Variants in ACBD5 observed in about 807,000 individuals in gnomAD.
The protein encoded by ACBD5 is acyl-CoA binding domain containing 5.
ACBD5 carries 40 observed loss-of-function variants against 71.8 expected under a neutral mutation model. The ratio of observed to expected loss-of-function variants is 0.56; its 90% CI spans 0.43 to 0.72. The LOEUF (loss-of-function observed/expected upper bound fraction) is 0.72. ACBD5 is among the 30% of genes least tolerant of loss of function. The probability of loss-of-function intolerance (pLI) is 0.00; values close to 1 mark genes in which losing one functional copy is unlikely to be tolerated. For missense variants in ACBD5, 559 were observed against 644.5 expected, an observed-to-expected ratio of 0.87 and a Z score of 1.44; for synonymous variants, 229 against 218.6, an observed-to-expected ratio of 1.05 and a Z score of -0.42.
At chr10:27,192,754 G>T (rs1262128), downstream of ACBD5, among the ~76,000 whole-genome samples, 27,774 of 152,050 alleles carry the variant, frequency 0.18, 3,080 homozygotes, top group East Asian at 0.29. Context: ...GGTGGATCAC[G>T]AGGTCAGGAG....
intron 13 of ACBD5, among the ~76,000 whole-genome samples, chr10:27,184,578 T>TTTTTTTTA: frequency 6.8e-6 from 1 of 146,302 alleles, no homozygotes; most frequent in African/African-American, 2.6e-5. Flanking sequence ...TTTTTTTTTT[T>TTTTTTTTA]GAGACGGAAT....
chr10:27,182,930 GAGCCA>G (rs939890682), intron 13 of ACBD5, among the ~76,000 whole-genome samples: 3 of 152,020 alleles, frequency 2.0e-5, no homozygotes, highest in Admixed American at 6.6e-5. Flanking sequence ...TTACAGGTGT[GAGCCA>G]CCTTGCCTGT....
intron 12 of ACBD5, among the ~76,000 whole-genome samples, chr10:27,202,969 CTTTTT>C (rs775633178): frequency 3.7e-4 from 26 of 70,780 alleles, no homozygotes; most frequent in East Asian, 1.0e-3. Flanking sequence ...TCTATATCCT[CTTTTT>C]TTTTTTTTTT....
Position 27,240,425 on chromosome 10 carries a change from A to C in ACBD5, c.75T>G (p.Pro25=). Residue 25 remains proline (P), a synonymous_variant, in exon 2 of 13, where the codon CCT becomes CCG. Transcript: ENST00000396271. The surrounding 1 kb of genome is among the most constrained non-coding windows in gnomAD (Gnocchi z 4.1). The part of the protein sequence containing the change: ...CCCCLIPADR[P]WDRGQHWQLE... ...GCTGCCAGTGTTGGCCCCGGTCCCA[A>C]GGTCTGTCGGCGGGAATCAGGCAGC... 1 of 1,614,054 alleles carries C rather than the reference A, an allele frequency of 6.2e-7. No individual in the cohort carries two copies. The highest frequency in any genetic ancestry group is 1.3e-5 in the African/African-American group (1 of 74,986).
rs752147433 is a variant in ACBD5, at chr10:27,184,554, A to ATTTTTTTTTT, written c.1494-1849_1494-1840dup. Among the ~76,000 whole-genome samples the ATTTTTTTTTT allele has an allele frequency of 4.8e-4, 41 of 84,856 alleles. 2 individuals are homozygous for ATTTTTTTTTT. The highest frequency in any genetic ancestry group is 5.4e-4 in the Admixed American group (3 of 5,514). 55.7% of individuals were successfully genotyped at this position (84,856 alleles called of 152,430 possible). A position where few individuals can be genotyped will look rare whatever the true frequency, so the allele number is the denominator to read the frequency against. ...AAAAACACTATCACATATAAGAAGGATTTTTTTTTTTTTTTTTTTTTTTTG... is the reference window on the plus strand; with the variant it reads ...AAAAACACTATCACATATAAGAAGGATTTTTTTTTTTTTTTTTTTTTTTTTTTTTTTTTTG... On this transcript the variant is annotated intron_variant, in intron 13 of 13. Coordinates refer to the ACBD5 transcript ENST00000676511.
intron 12 of ACBD5, among the ~76,000 whole-genome samples, chr10:27,200,679 G>C (rs183822921): frequency 1.5e-4 from 23 of 152,168 alleles, no homozygotes; most frequent in Non-Finnish European, 2.2e-4. Flanking sequence ...GGCTGGTCTC[G>C]AGCTCCTGAC....
At chr10:27,200,108 A>C (rs2059763118) in intron 12 of ACBD5, among the ~76,000 whole-genome samples, 1 of 152,210 alleles carries the variant, frequency 6.6e-6, no homozygotes, top group Non-Finnish European at 1.5e-5. Context: ...GCAGAGACCT[A>C]CTGGGCTGCA....
intron 13 of ACBD5, among the ~76,000 whole-genome samples, chr10:27,189,795 C>G (rs2059002785): frequency 6.7e-6 from 1 of 149,356 alleles, no homozygotes; most frequent in East Asian, 1.9e-4. Flanking sequence ...TATAAATAAA[C>G]TTTTGTTTTC....
At chr10:27,228,871 T>A (rs1334932983) in intron 4 of ACBD5, among the ~76,000 whole-genome samples, 1 of 133,770 alleles carries the variant, frequency 7.5e-6, no homozygotes, top group Non-Finnish European at 1.6e-5. Context: ...CAGGCTGGAG[T>A]GCAGCGGCGC....
intron 6 of ACBD5, among the ~76,000 whole-genome samples, chr10:27,219,236 G>A (rs1026807276): frequency 3.3e-5 from 5 of 151,878 alleles, no homozygotes; most frequent in Non-Finnish European, 7.4e-5. Flanking sequence ...TGCAGAGGGC[G>A]GCAGAGGCTG....
At chr10:27,212,797 C>T (rs1482666980) in intron 8 of ACBD5, among the ~76,000 whole-genome samples, 1 of 152,144 alleles carries the variant, frequency 6.6e-6, no homozygotes, top group African/African-American at 2.4e-5. Context: ...GATCCACCTG[C>T]CTCGGCCTCC....
chr10:27,204,329 T>C, intron 12 of ACBD5, 111 bp downstream of exon 12: 3 of 752,276 alleles, frequency 4.0e-6, no homozygotes, highest in South Asian at 2.9e-5. Context: ...ATGTTCACTA[T>C]GACGATGTAT....
At chr10:27,238,733 T>C (rs566002005) in intron 2 of ACBD5, among the ~76,000 whole-genome samples, 207 of 152,340 alleles carry the variant, frequency 1.4e-3, no homozygotes, top group Non-Finnish European at 2.0e-3. Flanking sequence ...TGAATTTTTA[T>C]TGAATGATGT....
At chr10:27,222,300 T>A (rs1022246848) in intron 5 of ACBD5, among the ~76,000 whole-genome samples, 51 of 152,094 alleles carry the variant, frequency 3.4e-4, no homozygotes, top group African/African-American at 1.2e-3. Flanking sequence ...CTAAAAAAAA[T>A]TCAAGATCAA....
chr10:27,207,694 T>C (rs2136945348), intron 10 of ACBD5, among the ~76,000 whole-genome samples: 1 of 152,344 alleles, frequency 6.6e-6, no homozygotes, highest in South Asian at 2.1e-4. Flanking sequence ...TATCTCTTCC[T>C]ATGAACCCTT....
chr10:27,231,409 C>T (rs1404742190), intron 4 of ACBD5, among the ~76,000 whole-genome samples: 2 of 152,062 alleles, frequency 1.3e-5, no homozygotes, highest in African/African-American at 2.4e-5. Flanking sequence ...CCCAGCTACT[C>T]GGGAGGCTGT....
rs374267163 is a variant in ACBD5, at chr10:27,205,214, G to T, written c.1439C>A (p.Pro480His). The change falls in exon 11 of 13, where the codon CCT (proline) becomes CAT (histidine). Residue 480 changes from proline (P) to histidine (H), a missense_variant. Pro to His is a moderately conservative substitution (Grantham distance 77). Transcript: ENST00000396271. Reference protein sequence around the residue: ...KSSTSTLQTAPQPTSQRPSWW... With the variant: ...KSSTSTLQTAHQPTSQRPSWW... ...ATGTCTTACCTGTGAGGTGGGCTGA[G>T]GAGCAGTCTGCAATGTTGATGTTGA... 7.4e-6 allele frequency: 12 copies of T among 1,613,110 alleles called. No individual in the cohort carries two copies. In the African/African-American group the frequency reaches 9.3e-5, roughly 13 times the overall value.
At chr10:27,213,759 GAA>G (rs35912974) in intron 8 of ACBD5, among the ~76,000 whole-genome samples, 13 of 135,674 alleles carry the variant, frequency 9.6e-5, no homozygotes, top group Non-Finnish European at 1.1e-4. Context: ...CTCCGCCTCA[GAA>G]AAAAAAAAAA....
chr10:27,194,876 C>G (rs557632418), downstream of ACBD5, among the ~76,000 whole-genome samples: 101 of 150,322 alleles, frequency 6.7e-4, no homozygotes, highest in Non-Finnish European at 1.2e-3. Context: ...CGTGCCTGTA[C>G]TCCCAGCTAC....
Sources: allele counts gnomAD v4.1 joint callset (sites outside exome capture counted in the v4.1 genomes callset), GRCh38; gene constraint gnomAD v4.1.1; non-coding constraint Gnocchi (gnomAD v3.1); transcripts MANE v1.5; gene names NCBI Gene and HGNC (gene_info 2026-07-23, HGNC 2026-07-21).